The following CHRM3 variants were observed in gnomAD, a reference collection of about 807,000 sequenced individuals.
CHRM3 encodes the protein muscarinic acetylcholine receptor M3.
A neutral mutation model predicts 41.8 loss-of-function variants in CHRM3; 11 were observed. The observed-to-expected ratio is 0.26, with a 90% CI of 0.17 to 0.44. The LOEUF (loss-of-function observed/expected upper bound fraction) is 0.44. Ranked by LOEUF, CHRM3 falls within the 20% of genes least tolerant of loss-of-function variation. The pLI is 1.00. For synonymous variants in CHRM3, 297 were observed against 301.4 expected, an observed-to-expected ratio of 0.99 and a Z score of 0.15; for missense variants, 571 against 745.4, an observed-to-expected ratio of 0.77 and a Z score of 2.72.
chr1:239,598,395 T>C (rs1188119915), intron 3 of CHRM3, among the ~76,000 whole-genome samples: 1 of 152,164 alleles, frequency 6.6e-6, no homozygotes, highest in East Asian at 1.9e-4. Flanking sequence ...ATTGGTATAA[T>C]GAAAAGGCTG....
intron 3 of CHRM3, among the ~76,000 whole-genome samples, chr1:239,567,309 A>C (rs1306918900): frequency 6.6e-6 from 1 of 151,492 alleles, no homozygotes; most frequent in Non-Finnish European, 1.5e-5. Context: ...TCATCTGAAA[A>C]AAAAAAAAAG....
intron 6 of CHRM3, among the ~76,000 whole-genome samples, chr1:239,877,231 G>A (rs983938675): frequency 6.6e-6 from 1 of 152,028 alleles, no homozygotes; most frequent in African/African-American, 2.4e-5. Context: ...AAATATCAAG[G>A]CATTTTTCTT....
At chr1:239,637,414 T>C (rs1043315697) in intron 4 of CHRM3, among the ~76,000 whole-genome samples, 1 of 151,928 alleles carries the variant, frequency 6.6e-6, no homozygotes, top group Non-Finnish European at 1.5e-5. Context: ...TCACTGAATA[T>C]CTTCCTTAGA....
In CHRM3 at chr1:239,784,167, C is replaced by A. The variant is rs537389896; in HGVS notation, c.-146-43085C>A. On this transcript the variant is annotated intron_variant, in intron 5 of 6. Coordinates refer to ENST00000676153, the MANE Select transcript of CHRM3 (RefSeq NM_001375978.1). ...TTCTTGGGAATTGATCCCTTTTTAT[C>A]ATTGTGCAATGCTCCTCTTTTTTCC... Among the ~76,000 whole-genome samples the A allele has an allele frequency of 2.7e-3, 405 of 152,236 alleles. 1 individual carries two copies. Among genetic ancestry groups the A allele is most frequent in the African/African-American group, 9.0e-3 (373 of 41,548 alleles).
intron 5 of CHRM3, among the ~76,000 whole-genome samples, chr1:239,744,276 G>T (rs978017601): frequency 6.6e-6 from 1 of 152,104 alleles, no homozygotes; most frequent in Non-Finnish European, 1.5e-5. Context: ...TCACATTCTA[G>T]TCAGGGGAAT....
chr1:239,821,902 T>G (rs967916267), intron 5 of CHRM3, among the ~76,000 whole-genome samples: 5 of 152,150 alleles, frequency 3.3e-5, no homozygotes, highest in Admixed American at 6.5e-5. Context: ...TGAGTGAGTC[T>G]CACAAGATCT....
At chr1:239,407,417 T>TATATATATATATATAGAG in intron 1 of CHRM3, among the ~76,000 whole-genome samples, 3 of 134,214 alleles carry the variant, frequency 2.2e-5, no homozygotes, top group South Asian at 2.4e-4. Flanking sequence ...TATATATATA[T>TATATATATATATATAGAG]AGAGAGAGAG....
intron 2 of CHRM3, among the ~76,000 whole-genome samples, chr1:239,500,391 T>C (rs1372496640): frequency 3.4e-5 from 5 of 148,514 alleles, no homozygotes; most frequent in Admixed American, 2.1e-4. Flanking sequence ...CCGCATGTTC[T>C]CACTCATAGG....
intron 5 of CHRM3, among the ~76,000 whole-genome samples, chr1:239,802,549 G>A (rs184880050): frequency 2.0e-5 from 3 of 152,286 alleles, no homozygotes; most frequent in Admixed American, 2.0e-4. Flanking sequence ...AAAAGAAGCA[G>A]GGGGTCATAG....
At chr1:239,512,193 C>T (rs971651362) in intron 2 of CHRM3, among the ~76,000 whole-genome samples, 6 of 152,168 alleles carry the variant, frequency 3.9e-5, no homozygotes, top group Non-Finnish European at 8.8e-5. Context: ...CCACAGTTCA[C>T]TCTTGGATAG....
At chr1:239,463,324 T>C (rs1344487497) in intron 1 of CHRM3, among the ~76,000 whole-genome samples, 1 of 152,152 alleles carries the variant, frequency 6.6e-6, no homozygotes, top group East Asian at 1.9e-4. Context: ...TCTGAAAGGG[T>C]ATGCCCTGAA....
At chr1:239,396,940 C>G (rs1659536369) in intron 1 of CHRM3, among the ~76,000 whole-genome samples, 1 of 152,202 alleles carries the variant, frequency 6.6e-6, no homozygotes, top group Non-Finnish European at 1.5e-5. Context: ...AAAAACCAAT[C>G]TGCTTAAAAT....
intron 6 of CHRM3, among the ~76,000 whole-genome samples, chr1:239,899,020 T>C (rs771985316): frequency 6.6e-6 from 1 of 152,196 alleles, no homozygotes. Flanking sequence ...CCTCTTCTTT[T>C]AAATATTAAT....
At chr1:239,585,414 A>G (rs183928967) in intron 3 of CHRM3, among the ~76,000 whole-genome samples, 65 of 152,286 alleles carry the variant, frequency 4.3e-4, no homozygotes, top group Non-Finnish European at 8.7e-4. Flanking sequence ...AAAGGAAATT[A>G]CTAAGATTAC....
At chr1:239,808,440 AGG>A (rs1419057829) in intron 5 of CHRM3, among the ~76,000 whole-genome samples, 1 of 152,148 alleles carries the variant, frequency 6.6e-6, no homozygotes, top group Non-Finnish European at 1.5e-5. Flanking sequence ...ACTGTGGGTA[AGG>A]GGACAGCTTC....
chr1:239,519,902 C>G (rs543167484), intron 2 of CHRM3, among the ~76,000 whole-genome samples: 1 of 151,738 alleles, frequency 6.6e-6, no homozygotes, highest in Non-Finnish European at 1.5e-5. Context: ...CACCCGCCAC[C>G]ACACCCCGCT....
Position 239,910,679 on chromosome 1 carries a change from C to A in CHRM3, c.*1455C>A, listed in dbSNP as rs1017317548. 1 of 159,008 alleles carries A rather than the reference C, an allele frequency of 6.3e-6. No individual in the cohort carries two copies. The highest frequency in any genetic ancestry group is 1.5e-5 in the Non-Finnish European group (1 of 66,408). The allele number at this position is 159,008 out of a possible 1,614,324, so 9.8% of individuals were successfully genotyped here. ...GGGGATGGGGTGCTGCCATCATTGTCGTTGTTGTTGCTGCTGTAGCTGTTG... is the reference window on the plus strand; with the variant it reads ...GGGGATGGGGTGCTGCCATCATTGTAGTTGTTGTTGCTGCTGTAGCTGTTG... On this transcript the variant is annotated 3_prime_UTR_variant, in exon 7 of 7. Coordinates refer to ENST00000676153, the MANE Select transcript of CHRM3 (RefSeq NM_001375978.1).
intron 2 of CHRM3, among the ~76,000 whole-genome samples, chr1:239,523,706 G>A (rs1669805115): frequency 1.3e-5 from 2 of 152,070 alleles, no homozygotes; most frequent in African/African-American, 2.4e-5. Flanking sequence ...TTAACAATAA[G>A]CAACTATTGT....
chr1:239,503,726 C>A (rs1668391970), intron 2 of CHRM3, among the ~76,000 whole-genome samples: 2 of 152,046 alleles, frequency 1.3e-5, no homozygotes. Context: ...GCACATAGAC[C>A]AAAGGAACAG....
Sources: allele counts gnomAD v4.1 joint callset (sites outside exome capture counted in the v4.1 genomes callset), GRCh38; gene constraint gnomAD v4.1.1; transcripts MANE v1.5; gene names NCBI Gene and HGNC (gene_info 2026-07-23, HGNC 2026-07-21).